MOCOS: variants seen among roughly 807,000 people sequenced by gnomAD.
The protein encoded by MOCOS is molybdenum cofactor sulfurase.
A neutral mutation model predicts 83.6 loss-of-function variants in MOCOS; 86 were observed. The ratio of observed to expected loss-of-function variants is 1.03; its 90% CI spans 0.86 to 1.23. The LOEUF is 1.23. MOCOS is among the 50% of genes most tolerant of loss of function. The pLI, the probability that MOCOS is intolerant of heterozygous loss-of-function variation, is 0.00. For synonymous variants in MOCOS, 445 were observed against 434.7 expected (o/e 1.02, Z -0.29); for missense variants, 1,120 against 1,126.9 (o/e 0.99, Z 0.09).
rs779571003 is a variant in MOCOS at position 36,266,670 on chromosome 18, T to C, written c.2410-79T>C. ...CTCCATAGTTAGGGGACTGGGCATT[T>C]CTGTGTGATTCCTCCCTCTGAGGTG... On this transcript the variant is annotated intron_variant, in intron 13 of 14. Transcript: ENST00000261326. The C allele has an allele frequency of 2.6e-4, 323 of 1,233,874 alleles. 1 individual carries two copies. The highest frequency in any genetic ancestry group is 3.6e-4 in the Non-Finnish European group (302 of 845,504). 76.4% of individuals were successfully genotyped at this position (1,233,874 alleles called of 1,614,324 possible). A position where few individuals can be genotyped will look rare whatever the true frequency, so the allele number is the denominator to read the frequency against.
chr18:36,225,399 C>T (rs1209661356), intron 9 of MOCOS, among the ~76,000 whole-genome samples: 1 of 152,208 alleles, frequency 6.6e-6, no homozygotes, highest in East Asian at 1.9e-4. Flanking sequence ...ATCTGCCTGC[C>T]TTGGCCTCCC....
At chr18:36,266,656 G>T in intron 13 of MOCOS, 93 bp from the exon 14 acceptor site, 1 of 1,046,014 alleles carries the variant, frequency 9.6e-7, no homozygotes. Context: ...TCCATAGTTA[G>T]GGGACTGGGC....
intron 9 of MOCOS, among the ~76,000 whole-genome samples, chr18:36,222,013 C>A (rs2091497941): frequency 6.6e-6 from 1 of 152,236 alleles, no homozygotes; most frequent in Admixed American, 6.5e-5. Context: ...GCATAAGCCA[C>A]TGCGCTGGCC....
intron 5 of MOCOS, 59 bp from the exon 6 acceptor site, chr18:36,205,018 A>AAAAATT: frequency 7.5e-6 from 8 of 1,068,974 alleles, no homozygotes; most frequent in Non-Finnish European, 1.1e-5. Context: ...AAAAAAAAAG[A>AAAAATT]GTGAATTGAG....
At chr18:36,193,898 T>C (rs1247292535) in intron 1 of MOCOS, among the ~76,000 whole-genome samples, 1 of 152,208 alleles carries the variant, frequency 6.6e-6, no homozygotes, top group African/African-American at 2.4e-5. Context: ...ATCCAAATAT[T>C]CCTCAGTAGA....
intron 1 of MOCOS, among the ~76,000 whole-genome samples, chr18:36,190,444 C>T (rs573213539): frequency 8.5e-5 from 13 of 152,080 alleles, no homozygotes; most frequent in South Asian, 4.2e-4. Context: ...TCACAAGATC[C>T]GGTTGTTTAA....
At chr18:36,255,077 C>G (rs1355300772) in intron 11 of MOCOS, among the ~76,000 whole-genome samples, 1 of 152,096 alleles carries the variant, frequency 6.6e-6, no homozygotes, top group African/African-American at 2.4e-5. Flanking sequence ...TATATTATAA[C>G]TTTTGAAAAA....
At chr18:36,254,226 A>T (rs966255187) in intron 11 of MOCOS, among the ~76,000 whole-genome samples, 1 of 152,180 alleles carries the variant, frequency 6.6e-6, no homozygotes, top group Non-Finnish European at 1.5e-5. Flanking sequence ...AGGATTTTTT[A>T]AAACTATATT....
In MOCOS at chr18:36,257,050, A is replaced by T; in HGVS notation, c.2247A>T (p.Glu749Asp). The T allele has an allele frequency of 6.2e-7, 1 of 1,614,048 alleles. No individual in the cohort carries two copies. The highest frequency in any genetic ancestry group is 8.5e-7 in the Non-Finnish European group (1 of 1,179,920). ...YLLINTSSIL[E>D]LHRQLNTSDE... ...TGATCAACACATCCAGTATTTTGGA[A>T]CTTCACCGGCAACTAAACACCAGGT... Residue 749 changes from glutamate (E) to aspartate (D), a missense_variant, in exon 12 of 15, where the codon GAA becomes GAT. Glu to Asp is a conservative substitution (Grantham distance 45, BLOSUM62 2). Transcript: ENST00000261326.
intron 4 of MOCOS, among the ~76,000 whole-genome samples, chr18:36,201,298 C>T (rs971868466): frequency 9.9e-5 from 15 of 152,266 alleles, no homozygotes; most frequent in Middle Eastern, 3.4e-3. Context: ...AATGAGTCCC[C>T]GCTCCACTGC....
At chr18:36,240,789 C>A (rs1408774627) in intron 9 of MOCOS, among the ~76,000 whole-genome samples, 1 of 152,180 alleles carries the variant, frequency 6.6e-6, no homozygotes, top group Non-Finnish European at 1.5e-5. Context: ...CAGCGAGACT[C>A]CATGGGGTAG....
At chr18:36,241,851 T>C (rs479050) in intron 9 of MOCOS, among the ~76,000 whole-genome samples, 87,713 of 152,152 alleles carry the variant, frequency 0.58, 26,120 homozygotes, top group African/African-American at 0.7. Context: ...GGCTTGCACC[T>C]TCTGAAGCAA....
intron 9 of MOCOS, among the ~76,000 whole-genome samples, chr18:36,241,808 G>A (rs1203015122): frequency 6.6e-6 from 1 of 152,332 alleles, no homozygotes; most frequent in South Asian, 2.1e-4. Context: ...GTACCCACAG[G>A]CCCAATACCA....
chr18:36,265,923 AC>A (rs1168608342), intron 13 of MOCOS, among the ~76,000 whole-genome samples: 33 of 152,180 alleles, frequency 2.2e-4, no homozygotes, highest in Non-Finnish European at 7.4e-5. Context: ...AGCATGGTTT[AC>A]TTAACCATTT....
chr18:36,248,696 A>G lies in MOCOS; in HGVS notation c.1961-226A>G, dbSNP rs75164181. Among the ~76,000 whole-genome samples, 4,864 of 151,846 alleles carry G rather than the reference A, an allele frequency of 0.032. 110 individuals carry two copies. The highest frequency in any genetic ancestry group is 0.08 in the South Asian group (386 of 4,798). The stretch of plus-strand genomic sequence containing the variant: ...TTCCCAGCATCATTTATTGAAGAGA[A>G]CTCTTCTTGCTCCAATGTTTGTTCT... On this transcript the variant is annotated intron_variant, in intron 9 of 14. Coordinates refer to ENST00000261326, the MANE Select transcript of MOCOS (RefSeq NM_017947.4).
chr18:36,209,979 C>T (rs1030433017), intron 6 of MOCOS, among the ~76,000 whole-genome samples: 1 of 152,150 alleles, frequency 6.6e-6, no homozygotes, highest in Non-Finnish European at 1.5e-5. Context: ...GCTGCGATTA[C>T]AGGTGTGCAC....
In MOCOS at chr18:36,248,915, T is replaced by C. The variant is rs1202365723; in HGVS notation, c.1961-7T>C. ...TGATAAATTTGTTTTTAACCTTTGT[T>C]CATTAGGGATGGAGCCTATAGAGGT... On this transcript the variant is annotated splice_region_variant and splice_polypyrimidine_tract_variant and intron_variant, in intron 9 of 14. Coordinates refer to ENST00000261326, the MANE Select transcript of MOCOS (RefSeq NM_017947.4). 1.2e-6 allele frequency: 2 copies of C among 1,612,896 alleles called. No individual in the cohort carries two copies. The highest frequency in any genetic ancestry group is 1.7e-6 in the Non-Finnish European group (2 of 1,178,932).
At chr18:36,234,579 C>A (rs1177725980) in intron 9 of MOCOS, among the ~76,000 whole-genome samples, 1 of 152,066 alleles carries the variant, frequency 6.6e-6, no homozygotes, top group Non-Finnish European at 1.5e-5. Context: ...ATGATGACGG[C>A]ATTTTGATGG....
intron 8 of MOCOS, among the ~76,000 whole-genome samples, chr18:36,219,644 A>G (rs1371195235): frequency 6.6e-6 from 1 of 152,128 alleles, no homozygotes; most frequent in Non-Finnish European, 1.5e-5. Flanking sequence ...GCACCACTAC[A>G]CTCCAGCCTG....
Sources: allele counts gnomAD v4.1 joint callset (sites outside exome capture counted in the v4.1 genomes callset), GRCh38; gene constraint gnomAD v4.1.1; transcripts MANE v1.5; gene names NCBI Gene and HGNC (gene_info 2026-07-23, HGNC 2026-07-21).